Variants in CHST11 observed in about 807,000 individuals in gnomAD.
The protein encoded by CHST11 is C4S-1.
In CHST11, 9 loss-of-function variants were observed where a neutral mutation model predicts 30.4. The ratio of observed to expected loss-of-function variants is 0.30; its 90% confidence interval spans 0.18 to 0.52. CHST11 has a LOEUF of 0.52. Among genes scored for constraint, CHST11 ranks in the 20% least tolerant of loss-of-function variants. CHST11 has a pLI of 0.97. For missense variants in CHST11, 348 were observed against 460.6 expected (o/e 0.76, Z 2.24); for synonymous variants, 152 against 187.8 (o/e 0.81, Z 1.56).
chr12:104,639,630 C>A (rs892506582), intron 2 of CHST11, among the ~76,000 whole-genome samples: 2 of 152,146 alleles, frequency 1.3e-5, no homozygotes, highest in Non-Finnish European at 2.9e-5. Context: ...GGTAAGAGAA[C>A]ATGAGGTAAT....
intron 2 of CHST11, among the ~76,000 whole-genome samples, chr12:104,628,017 A>G (rs1369404859): frequency 1.3e-5 from 2 of 152,194 alleles, no homozygotes; most frequent in South Asian, 2.1e-4. Context: ...TCACTTTCCT[A>G]AGGTCACACA....
intron 2 of CHST11, among the ~76,000 whole-genome samples, chr12:104,617,293 C>G (rs939605370): frequency 3.3e-5 from 5 of 152,138 alleles, no homozygotes; most frequent in African/African-American, 1.2e-4. Context: ...TAATAGTTCT[C>G]TTCATAGATT....
intron 1 of CHST11, among the ~76,000 whole-genome samples, chr12:104,515,494 C>G (rs767060371): frequency 3.0e-4 from 46 of 152,176 alleles, no homozygotes; most frequent in Non-Finnish European, 5.6e-4. Flanking sequence ...GAAATCAAAG[C>G]TAGTTTGTTT....
At chr12:104,681,825 CTTTTTTTTTTTT>C (rs149441295) in intron 2 of CHST11, among the ~76,000 whole-genome samples, 35 of 85,090 alleles carry the variant, frequency 4.1e-4, no homozygotes, top group African/African-American at 1.5e-3. Context: ...GTCTGTTTTG[CTTTTTTTTTTTT>C]TTTTTTTTTT....
intron 2 of CHST11, among the ~76,000 whole-genome samples, chr12:104,609,314 C>T (rs1042079090): frequency 1.3e-5 from 2 of 152,234 alleles, no homozygotes; most frequent in Non-Finnish European, 2.9e-5. Context: ...AGCCTGGCAG[C>T]TGGCTGGCAA....
chr12:104,607,641 G>A (rs772518705), intron 2 of CHST11, among the ~76,000 whole-genome samples: 12 of 152,152 alleles, frequency 7.9e-5, no homozygotes, highest in Admixed American at 2.0e-4. Context: ...GAACATCAGC[G>A]AGGCCACAGG....
intron 1 of CHST11, among the ~76,000 whole-genome samples, chr12:104,594,522 G>C (rs79630351): frequency 3.3e-5 from 5 of 152,080 alleles, no homozygotes; most frequent in African/African-American, 1.2e-4. Context: ...AGAAGGCTTC[G>C]GGCTTCTGTA....
At chr12:104,748,209 G>A (rs1025036880) in intron 2 of CHST11, among the ~76,000 whole-genome samples, 2 of 152,146 alleles carry the variant, frequency 1.3e-5, no homozygotes, top group African/African-American at 4.8e-5. Flanking sequence ...GCGAACCTGG[G>A]TTCTGTGTTT....
chr12:104,616,466 C>T (rs1196362616), intron 2 of CHST11, among the ~76,000 whole-genome samples: 1 of 141,870 alleles, frequency 7.0e-6, no homozygotes, highest in Non-Finnish European at 1.5e-5. Context: ...AGGGAAACTA[C>T]ATTTTTTTTT....
At chr12:104,524,669 T>C (rs986955399) in intron 1 of CHST11, among the ~76,000 whole-genome samples, 7 of 151,970 alleles carry the variant, frequency 4.6e-5, no homozygotes, top group African/African-American at 1.7e-4. Context: ...CATCCATCCA[T>C]CCACCCATCC....
At chr12:104,696,346 A>T (rs553030978) in intron 2 of CHST11, among the ~76,000 whole-genome samples, 2 of 152,030 alleles carry the variant, frequency 1.3e-5, no homozygotes, top group African/African-American at 4.8e-5. Context: ...AATAGAAATA[A>T]ACCATCAGGG....
chr12:104,612,829 C>A (rs2039072034), intron 2 of CHST11, among the ~76,000 whole-genome samples: 1 of 152,090 alleles, frequency 6.6e-6, no homozygotes, highest in Non-Finnish European at 1.5e-5. Flanking sequence ...TCCAGCAATC[C>A]CACTTCTGGG....
chr12:104,645,168 C>G (rs1432820306), intron 2 of CHST11, among the ~76,000 whole-genome samples: 1 of 151,852 alleles, frequency 6.6e-6, no homozygotes, highest in Non-Finnish European at 1.5e-5. Flanking sequence ...AGGATGGTCT[C>G]GATCTCCTGA....
intron 1 of CHST11, among the ~76,000 whole-genome samples, chr12:104,520,852 T>C (rs1167857967): frequency 2.0e-5 from 3 of 152,244 alleles, no homozygotes; most frequent in Non-Finnish European, 4.4e-5. Flanking sequence ...CCACCCCTTC[T>C]GTTCTCTGAC....
chr12:104,647,951 C>T (rs1252032704), intron 2 of CHST11, among the ~76,000 whole-genome samples: 3 of 152,196 alleles, frequency 2.0e-5, no homozygotes, highest in Non-Finnish European at 2.9e-5. Flanking sequence ...GGCTGCCTTC[C>T]CCAAGTGAAC....
Position 104,676,765 on chromosome 12 carries a change from C to T in CHST11, c.204+74774C>T, listed in dbSNP as rs991381922. Among the ~76,000 whole-genome samples the T allele has an allele frequency of 6.6e-6, 1 of 152,226 alleles. No individual in the cohort carries two copies. Among genetic ancestry groups the T allele is most frequent in the Non-Finnish European group, 1.5e-5 (1 of 68,034 alleles). ...GGGAAATCCAGGATAACCTTCCCAC[C>T]TCAAGACCCTTCACTCTACCGCAGC... On this transcript the variant is annotated intron_variant, in intron 2 of 2. Transcript: ENST00000303694. The surrounding 1 kb of genome is among the most constrained non-coding windows in gnomAD (Gnocchi z 4.4).
chr12:104,714,539 T>C (rs1248185801), intron 2 of CHST11, among the ~76,000 whole-genome samples: 1 of 151,940 alleles, frequency 6.6e-6, no homozygotes, highest in Non-Finnish European at 1.5e-5. Flanking sequence ...TGGGTTTGCT[T>C]TTGTGGAGGT....
intron 1 of CHST11, among the ~76,000 whole-genome samples, chr12:104,543,848 G>A (rs1383503269): frequency 6.6e-6 from 1 of 152,072 alleles, no homozygotes; most frequent in African/African-American, 2.4e-5. Context: ...TGTATCTGAA[G>A]CAGGGCATGG....
chr12:104,489,659 G>C (rs141049212), intron 1 of CHST11, among the ~76,000 whole-genome samples: 1 of 151,650 alleles, frequency 6.6e-6, no homozygotes, highest in Non-Finnish European at 1.5e-5. Context: ...TTGTATTTTT[G>C]GTAGAGAGTT....
Sources: allele counts gnomAD v4.1 joint callset (sites outside exome capture counted in the v4.1 genomes callset), GRCh38; gene constraint gnomAD v4.1.1; non-coding constraint Gnocchi (gnomAD v3.1); transcripts MANE v1.5; gene names NCBI Gene and HGNC (gene_info 2026-07-23, HGNC 2026-07-21).